Variants in ZNF658 observed in about 807,000 individuals in gnomAD.
ZNF658 encodes the protein zinc finger protein 658.
Under a neutral mutation model 78.0 loss-of-function variants are expected in ZNF658, and 46 were observed. The ratio of observed to expected loss-of-function variants is 0.59; its 90% CI spans 0.47 to 0.75. ZNF658 has a LOEUF of 0.75. ZNF658 is among the 30% of genes least tolerant of loss of function. The pLI, the probability that ZNF658 is intolerant of heterozygous loss-of-function variation, is 0.00. For synonymous variants in ZNF658, 279 were observed against 408.4 expected, an observed-to-expected ratio of 0.68 and a Z score of 3.82; for missense variants, 785 against 1,189.3, an observed-to-expected ratio of 0.66 and a Z score of 5.00.
chr9:66,907,877 T>C (rs1822115687), intron 2 of ZNF658, among the ~76,000 whole-genome samples: 2 of 151,698 alleles, frequency 1.3e-5, no homozygotes, highest in African/African-American at 2.4e-5. Flanking sequence ...AGACTTCACA[T>C]ATATCTCTTC....
At chr9:66,922,618 C>G (rs1822545917), downstream of ZNF658, among the ~76,000 whole-genome samples, 1 of 62,598 alleles carries the variant, frequency 1.6e-5, no homozygotes, top group Non-Finnish European at 3.5e-5. Flanking sequence ...TGCAGGTATA[C>G]TATTGTAAGG....
At chr9:66,907,880 ATC>A (rs1343856393) in intron 2 of ZNF658, among the ~76,000 whole-genome samples, 2 of 151,294 alleles carry the variant, frequency 1.3e-5, no homozygotes, top group African/African-American at 4.9e-5. Flanking sequence ...CTTCACATAT[ATC>A]TCTTCCTTAG....
At chr9:66,912,168 AT>A (rs1822227456) in intron 4 of ZNF658, among the ~76,000 whole-genome samples, 1 of 123,280 alleles carries the variant, frequency 8.1e-6, no homozygotes, top group South Asian at 2.5e-4. Context: ...GAAAAAACAT[AT>A]ACTTGATAGA....
chr9:66,921,289 TGAA>T lies in ZNF658; in HGVS notation c.*550_*552del, dbSNP rs1217918477. 1.3e-5 allele frequency: 2 copies of T among 154,246 alleles called. No individual in the cohort carries two copies. Among genetic ancestry groups the T allele is most frequent in the Non-Finnish European group, 2.9e-5 (2 of 69,378 alleles). The allele number at this position is 154,246 out of a possible 1,614,324, so 9.6% of individuals were successfully genotyped here. The stretch of plus-strand genomic sequence containing the variant: ...TTTATTGTGCATCAGAGACGTCACA[TGAA>T]GAAGAAAACTTGTCGACATCCAGGA... On this transcript the variant is annotated 3_prime_UTR_variant, in exon 5 of 5. Transcript: ENST00000621410.
At position 66,918,988 on chromosome 9, in the gene ZNF658, G is replaced by A; in HGVS notation, c.1422G>A (p.Gly474=). The change falls in exon 5 of 5, where the codon GGG becomes GGA. Residue 474 remains glycine (G), a synonymous_variant. Transcript: ENST00000621410. ...KEKPCDNNGC[G]RSYKSPLIGH... ...AACCTTGTGATAACAATGGCTGTGG[G>A]AGATCTTACAAGTCACCCCTCATAG... 2.4e-6 allele frequency: 3 copies of A among 1,260,294 alleles called. No homozygotes were observed. The highest frequency in any genetic ancestry group is 1.3e-5 in the South Asian group (1 of 78,060). 78.1% of individuals were successfully genotyped at this position (1,260,294 alleles called of 1,614,324 possible).
chr9:66,908,187 G>T, intron 2 of ZNF658, 51 bp from the exon 3 acceptor site: 2 of 1,612,860 alleles, frequency 1.2e-6, no homozygotes, highest in Non-Finnish European at 1.7e-6. Flanking sequence ...ACCCAATTCT[G>T]AACCCTTGAA....
downstream of ZNF658, among the ~76,000 whole-genome samples, chr9:66,923,279 G>C (rs1416318422): frequency 6.6e-6 from 1 of 151,324 alleles, no homozygotes; most frequent in Non-Finnish European, 1.5e-5. Context: ...AGAACACTCA[G>C]CCAGTCTAGT....
intron 1 of ZNF658, 145 bp downstream of exon 1, chr9:66,900,981 C>G (rs1165816850): frequency 6.6e-6 from 1 of 152,142 alleles, no homozygotes; most frequent in Admixed American, 6.5e-5. Context: ...GGGCCCAGGC[C>G]GAGTCCTGTC....
intron 2 of ZNF658, among the ~76,000 whole-genome samples, chr9:66,907,264 A>G (rs1035017698): frequency 2.6e-5 from 4 of 152,110 alleles, no homozygotes; most frequent in Admixed American, 2.0e-4. Context: ...CTCTAAAATC[A>G]TATGTATCCT....
intron 2 of ZNF658, 115 bp from the exon 3 acceptor site, chr9:66,908,123 A>T: frequency 1.3e-6 from 2 of 1,582,592 alleles, no homozygotes; most frequent in Admixed American, 1.8e-5. Flanking sequence ...GGTCTAAAAT[A>T]GGCCTTTATA....
chr9:66,931,395 T>C (rs1822642797), intron 6 of ZNF658, among the ~76,000 whole-genome samples: 1 of 151,972 alleles, frequency 6.6e-6, no homozygotes, highest in Non-Finnish European at 1.5e-5. Context: ...GAATGACTAA[T>C]ACTGCAGCTA....
rs930240478 is a variant in ZNF658 at position 66,908,426 on chromosome 9, A to G, written c.142+62A>G. The G allele has an allele frequency of 3.5e-5, 56 of 1,611,118 alleles. 1 individual carries two copies. The Admixed American group carries it at 9.4e-4, about 27-fold the overall frequency. ...TATGTCCCTTTTTAAAAAGTATCAA[A>G]ACACATGGACCCTTTATAGAGATTA... On this transcript the variant is annotated intron_variant, in intron 3 of 4. Transcript: ENST00000621410.
chr9:66,919,384 CTG>C lies in ZNF658; in HGVS notation c.1821_1822del (p.Cys607Ter). On this transcript the variant is annotated frameshift_variant, in exon 5 of 5. Transcript: ENST00000621410. LOFTEE classifies it high-confidence loss of function. Reference sequence around the variant, plus strand: ...GTGAGAAGCCCTATGAATGCAGTGACTGTGAGAAAACTTTTGCCCATAATTCA... The same window carrying C: ...GTGAGAAGCCCTATGAATGCAGTGACTGAGAAAACTTTTGCCCATAATTCA... ...TGEKPYECSD[C>X]EKTFAHNSAL... 2 of 1,545,392 alleles carry C rather than the reference CTG, an allele frequency of 1.3e-6. No individual in the cohort carries two copies. Among genetic ancestry groups the C allele is most frequent in the South Asian group, 1.1e-5 (1 of 88,046 alleles).
At chr9:66,909,360 T>A (rs1822160144) in intron 4 of ZNF658, among the ~76,000 whole-genome samples, 1 of 150,448 alleles carries the variant, frequency 6.6e-6, no homozygotes, top group Non-Finnish European at 1.5e-5. Flanking sequence ...TGGTCTTTTG[T>A]GATTGGTTTA....
chr9:66,912,106 C>T (rs1157120618), intron 4 of ZNF658, among the ~76,000 whole-genome samples: 1 of 45,712 alleles, frequency 2.2e-5, no homozygotes, highest in Non-Finnish European at 3.9e-5. Flanking sequence ...GCACTCCAGC[C>T]TGGGCGACAG....
intron 4 of ZNF658, among the ~76,000 whole-genome samples, chr9:66,910,218 T>C (rs553537471): frequency 2.0e-5 from 3 of 152,324 alleles, no homozygotes; most frequent in African/African-American, 2.4e-5. Context: ...TCACCAATGA[T>C]ATCAGGCATC....
intron 1 of ZNF658, among the ~76,000 whole-genome samples, chr9:66,901,402 A>G (rs1471325873): frequency 6.6e-6 from 1 of 152,006 alleles, no homozygotes. Context: ...CAGACTTGCC[A>G]GTACCTGCCT....
chr9:66,908,893 A>C (rs1245887605), intron 4 of ZNF658, among the ~76,000 whole-genome samples, 159 bp downstream of exon 4: 2 of 152,196 alleles, frequency 1.3e-5, no homozygotes, highest in African/African-American at 4.8e-5. Flanking sequence ...AAGCAACCAC[A>C]GATCAAAACT....
chr9:66,918,062 T>C lies in ZNF658; in HGVS notation c.496T>C (p.Tyr166His). ...ERKYSRKKTE[Y>H]MNVCEKLQLD... ...AAAATATTCAAGAAAGAAGACTGAATACATGAATGTGTGTGAGAAACTGCA... is the reference window on the plus strand; with the variant it reads ...AAAATATTCAAGAAAGAAGACTGAACACATGAATGTGTGTGAGAAACTGCA... The change falls in exon 5 of 5, where the codon TAC becomes CAC. Residue 166 changes from tyrosine to histidine, a missense_variant. Physicochemically the swap from Tyr to His is moderately conservative, Grantham distance 83. Coordinates refer to ENST00000621410, the MANE Select transcript of ZNF658 (RefSeq NM_033160.7). 1 of 1,599,026 alleles carries C rather than the reference T, an allele frequency of 6.3e-7. No individual in the cohort carries two copies. The highest frequency in any genetic ancestry group is 8.5e-7 in the Non-Finnish European group (1 of 1,174,832).
Sources: allele counts gnomAD v4.1 joint callset (sites outside exome capture counted in the v4.1 genomes callset), GRCh38; gene constraint gnomAD v4.1.1; transcripts MANE v1.5; gene names NCBI Gene and HGNC (gene_info 2026-07-23, HGNC 2026-07-21).